Variants in ZNF431 observed in about 807,000 individuals in gnomAD.
The protein encoded by ZNF431 is zinc finger protein 431.
Under a neutral mutation model 57.0 loss-of-function variants are expected in ZNF431, and 34 were observed. The ratio of observed to expected loss-of-function variants is 0.60; its 90% confidence interval spans 0.45 to 0.79. ZNF431 has a LOEUF of 0.79. Among genes scored for constraint, ZNF431 ranks in the 30% least tolerant of loss-of-function variants. ZNF431 has a pLI of 0.00. For synonymous variants in ZNF431, 207 were observed against 220.3 expected (o/e 0.94, Z 0.54); for missense variants, 607 against 667.1 (o/e 0.91, Z 0.99).
chr19:21,148,348 G>A (rs1970166952), intron 2 of ZNF431, among the ~76,000 whole-genome samples: 1 of 152,142 alleles, frequency 6.6e-6, no homozygotes, highest in Non-Finnish European at 1.5e-5. Context: ...TGACCATAAG[G>A]TAGTATTCTC....
chr19:21,175,046 T>C (rs950008782), intron 4 of ZNF431, among the ~76,000 whole-genome samples: 2 of 151,952 alleles, frequency 1.3e-5, no homozygotes, highest in Admixed American at 6.6e-5. Context: ...CATGAGCCGC[T>C]GCACCTGGCC....
At chr19:21,178,286 A>G (rs1284805926) in intron 4 of ZNF431, among the ~76,000 whole-genome samples, 2 of 151,762 alleles carry the variant, frequency 1.3e-5, no homozygotes, top group Non-Finnish European at 2.9e-5. Context: ...TTGACTTCCT[A>G]TTTGAATATC....
intron 4 of ZNF431, among the ~76,000 whole-genome samples, chr19:21,174,273 G>T (rs1189102405): frequency 6.6e-6 from 1 of 152,040 alleles, no homozygotes; most frequent in African/African-American, 2.4e-5. Flanking sequence ...AGTCTATAAT[G>T]CCTGTTTTCT....
chr19:21,167,775 A>G (rs1247303380), intron 4 of ZNF431, 109 bp downstream of exon 4: 4 of 674,144 alleles, frequency 5.9e-6, no homozygotes, highest in Non-Finnish European at 6.6e-6. Context: ...GTTATAAAGC[A>G]TGTAGTTTCT....
intron 2 of ZNF431, among the ~76,000 whole-genome samples, chr19:21,157,724 C>T (rs1304316191): frequency 2.0e-5 from 3 of 151,618 alleles, no homozygotes; most frequent in Non-Finnish European, 2.9e-5. Context: ...TTAGTAGAGA[C>T]GGGGTTTCAC....
At chr19:21,174,475 A>T (rs1970994677) in intron 4 of ZNF431, among the ~76,000 whole-genome samples, 1 of 152,146 alleles carries the variant, frequency 6.6e-6, no homozygotes. Flanking sequence ...AAATTGACTC[A>T]TTTGACCGTT....
chr19:21,182,704 A>G lies in ZNF431; in HGVS notation c.401A>G (p.Tyr134Cys), dbSNP rs749529640. ...DSFQQVILRR[Y>C]GKCEHENLQL... is the part of the protein sequence containing the mutation. The stretch of plus-strand genomic sequence containing the variant: ...TTTCAACAAGTAATACTGAGAAGAT[A>G]TGGCAAATGTGAACATGAGAATTTA... Residue 134 changes from tyrosine (Y) to cysteine (C), a missense_variant, in exon 5 of 5, where the codon TAT becomes TGT. Physicochemically the swap from Tyr to Cys is radical, Grantham distance 194. Coordinates refer to ENST00000311048, the MANE Select transcript of ZNF431 (RefSeq NM_133473.4). 5.6e-6 allele frequency: 9 copies of G among 1,613,808 alleles called. No individual in the cohort carries two copies. The East Asian group carries it at 8.9e-5, about 16-fold the overall frequency.
In ZNF431 at chr19:21,195,456, AT is replaced by A. The variant is rs760821387; in HGVS notation, c.*11427del. The A allele has an allele frequency of 1.3e-5, 2 of 152,030 alleles. No individual in the cohort carries two copies. Among genetic ancestry groups the A allele is most frequent in the Non-Finnish European group, 2.9e-5 (2 of 68,008 alleles). The allele number at this position is 152,030 out of a possible 1,614,324, so 9.4% of individuals were successfully genotyped here. On this transcript the variant is annotated 3_prime_UTR_variant, in exon 5 of 5. Coordinates refer to ENST00000311048, the MANE Select transcript of ZNF431 (RefSeq NM_133473.4). ...TAAAAGATACACAATTTTCTAAAAA[AT>A]TTTTCTTTATGGGCGATTGAATAGT...
At position 21,142,180 on chromosome 19, in the gene ZNF431, A is replaced by G. The variant is rs1969957464; in HGVS notation, c.-4A>G. The G allele has an allele frequency of 1.2e-6, 2 of 1,612,916 alleles. No homozygotes were observed. Among genetic ancestry groups the G allele is most frequent in the Non-Finnish European group, 1.7e-6 (2 of 1,179,242 alleles). ...AGACACCGGGACCCCCTGAAAGCCTAGAAATGGTGAGAGTGCCGGGTCGGA... is the reference window on the plus strand; with the variant it reads ...AGACACCGGGACCCCCTGAAAGCCTGGAAATGGTGAGAGTGCCGGGTCGGA... On this transcript the variant is annotated 5_prime_UTR_variant, in exon 1 of 5. Transcript: ENST00000311048.
At chr19:21,166,306 A>G (rs1395471592) in intron 2 of ZNF431, 29 bp from the exon 3 acceptor site, 1 of 1,607,198 alleles carries the variant, frequency 6.2e-7, no homozygotes, top group African/African-American at 1.3e-5. Context: ...TGGTAAATAT[A>G]TGTGTGTCTC....
At chr19:21,182,270 AGAAAC>A (rs1971227866) in intron 4 of ZNF431, among the ~76,000 whole-genome samples, 1 of 152,148 alleles carries the variant, frequency 6.6e-6, no homozygotes. Context: ...TTATTAAAAA[AGAAAC>A]GAAAAGTTAG....
chr19:21,177,443 T>A (rs1310149732), intron 4 of ZNF431, among the ~76,000 whole-genome samples: 1 of 152,146 alleles, frequency 6.6e-6, no homozygotes, highest in Non-Finnish European at 1.5e-5. Flanking sequence ...TGTAGTATAG[T>A]TTGAAGTTGG....
At position 21,185,287 on chromosome 19, in the gene ZNF431, T is replaced by G. The variant is rs184978806; in HGVS notation, c.*1253T>G. 1 of 152,330 alleles carries G rather than the reference T, an allele frequency of 6.6e-6. No homozygotes were observed. Among genetic ancestry groups the G allele is most frequent in the Non-Finnish European group, 1.5e-5 (1 of 68,036 alleles). 9.4% of individuals were successfully genotyped at this position (152,330 alleles called of 1,614,324 possible). ...AGAAGGTTTTTTGCAGAGTTATAATTACATTCAAAGTATACTTTATTTCTT... is the reference window on the plus strand; with the variant it reads ...AGAAGGTTTTTTGCAGAGTTATAATGACATTCAAAGTATACTTTATTTCTT... On this transcript the variant is annotated 3_prime_UTR_variant, in exon 5 of 5. Transcript: ENST00000311048.
At chr19:21,159,562 G>A (rs552755327) in intron 2 of ZNF431, among the ~76,000 whole-genome samples, 2 of 152,152 alleles carry the variant, frequency 1.3e-5, no homozygotes, top group South Asian at 2.1e-4. Flanking sequence ...TCGTAAAGAC[G>A]GGTTTTCACC....
chr19:21,166,271 A>G, intron 2 of ZNF431, 64 bp from the exon 3 acceptor site: 1 of 1,571,534 alleles, frequency 6.4e-7, no homozygotes, highest in African/African-American at 1.4e-5. Flanking sequence ...CTTAATTCAA[A>G]TAATAAATTC....
chr19:21,175,577 C>T, intron 4 of ZNF431: 3 of 547,630 alleles, frequency 5.5e-6, no homozygotes, highest in South Asian at 5.0e-5. Context: ...TCCTGATTCT[C>T]TCCCTCCCCG....
chr19:21,194,537 T>G lies in ZNF431; in HGVS notation c.*10503T>G, dbSNP rs1971570721. 1 of 151,944 alleles carries G rather than the reference T, an allele frequency of 6.6e-6. No individual in the cohort carries two copies. The highest frequency in any genetic ancestry group is 1.5e-5 in the Non-Finnish European group (1 of 67,992). 9.4% of individuals were successfully genotyped at this position (151,944 alleles called of 1,614,324 possible). ...AGGCTGGAGTGCAGTGGTGCGATCTTGGCTCACTGTAACCTCCACCTCCTG... is the reference window on the plus strand; with the variant it reads ...AGGCTGGAGTGCAGTGGTGCGATCTGGGCTCACTGTAACCTCCACCTCCTG... On this transcript the variant is annotated 3_prime_UTR_variant, in exon 5 of 5. Coordinates refer to ENST00000311048, the MANE Select transcript of ZNF431 (RefSeq NM_133473.4).
chr19:21,157,404 G>T (rs1412866897), intron 2 of ZNF431, among the ~76,000 whole-genome samples: 3 of 152,162 alleles, frequency 2.0e-5, no homozygotes, highest in Non-Finnish European at 2.9e-5. Flanking sequence ...GTGTGAGGTG[G>T]TATCTCATTG....
In ZNF431 at chr19:21,189,489, A is replaced by C. The variant is rs946212384; in HGVS notation, c.*5455A>C. On this transcript the variant is annotated 3_prime_UTR_variant, in exon 5 of 5. Transcript: ENST00000311048. ...CAGAGTGACTATCAAAAAAAAAAAA[A>C]ACTTTACCTCATATGGTGAACATTT... The C allele has an allele frequency of 1.3e-5, 2 of 154,412 alleles. No homozygotes were observed. Among genetic ancestry groups the C allele is most frequent in the African/African-American group, 4.8e-5 (2 of 41,548 alleles). 9.6% of individuals were successfully genotyped at this position (154,412 alleles called of 1,614,324 possible). A position where few individuals can be genotyped will look rare whatever the true frequency, so the allele number is the denominator to read the frequency against.
Sources: gnomAD v4.1 joint callset for allele counts (sites outside exome capture counted in the v4.1 genomes callset) on GRCh38, gnomAD v4.1.1 for gene constraint, MANE v1.5 for transcripts, NCBI Gene and HGNC (gene_info 2026-07-23, HGNC 2026-07-21) for gene names.